Variants in ATP8A2 observed in about 807,000 individuals in gnomAD.
ATP8A2 encodes the protein ATPase phospholipid transporting 8A2, also known as phospholipid-transporting ATPase IB.
A neutral mutation model predicts 165.6 loss-of-function variants in ATP8A2; 100 were observed. That is an observed-to-expected ratio of 0.60 (90% CI 0.51 to 0.71). ATP8A2 has a LOEUF of 0.71. Ranked by LOEUF, ATP8A2 falls within the 30% of genes least tolerant of loss-of-function variation. ATP8A2 has a pLI of 0.00. For synonymous variants in ATP8A2, 543 were observed against 548.8 expected (o/e 0.99, Z 0.15); for missense variants, 1,227 against 1,479.5 (o/e 0.83, Z 2.80).
intron 21 of ATP8A2, 137 bp from the exon 22 acceptor site, chr13:25,579,671 G>A: frequency 1.2e-6 from 1 of 847,042 alleles, no homozygotes; most frequent in Non-Finnish European, 1.9e-6. Context: ...GTAGATGTGG[G>A]AGTGTTGAAT....
At chr13:25,835,009 G>A (rs2138635668) in intron 28 of ATP8A2, among the ~76,000 whole-genome samples, 1 of 151,606 alleles carries the variant, frequency 6.6e-6, no homozygotes, top group Admixed American at 6.6e-5. Context: ...TGTGTAGTAT[G>A]GTATAGGCAG....
At chr13:25,886,816 G>C (rs938561179) in intron 33 of ATP8A2, among the ~76,000 whole-genome samples, 4 of 152,184 alleles carry the variant, frequency 2.6e-5, no homozygotes, top group Admixed American at 2.6e-4. Context: ...AAAAACATGA[G>C]GTGGCTTCCA....
At chr13:25,839,757 T>A in intron 30 of ATP8A2, 133 bp downstream of exon 30, 1 of 718,968 alleles carries the variant, frequency 1.4e-6, no homozygotes, top group Non-Finnish European at 2.4e-6. Flanking sequence ...AAAACATACC[T>A]AAAGCATAAT....
At chr13:25,853,394 A>T (rs866429309) in intron 30 of ATP8A2, among the ~76,000 whole-genome samples, 290 of 11,644 alleles carry the variant, frequency 0.025, 2 homozygotes, top group African/African-American at 0.039. Context: ...CTATCTAAAA[A>T]AAATATATAT....
At chr13:25,469,388 T>A (rs963640552) in intron 2 of ATP8A2, among the ~76,000 whole-genome samples, 2 of 152,248 alleles carry the variant, frequency 1.3e-5, no homozygotes, top group African/African-American at 2.4e-5. Context: ...TTCACTCTAA[T>A]GTCACCGACA....
chr13:25,478,834 T>C (rs148170464), intron 2 of ATP8A2, among the ~76,000 whole-genome samples: 73 of 146,698 alleles, frequency 5.0e-4, no homozygotes, highest in African/African-American at 1.6e-3. Flanking sequence ...AACTTTTTCA[T>C]TGGATGTCCC....
intron 24 of ATP8A2, among the ~76,000 whole-genome samples, chr13:25,667,568 G>T (rs1343677458): frequency 1.3e-5 from 2 of 152,030 alleles, no homozygotes; most frequent in Non-Finnish European, 2.9e-5. Context: ...GATGCAGCAT[G>T]AAAGCCCTTG....
chr13:25,790,834 C>CT (rs2045151469), intron 27 of ATP8A2, among the ~76,000 whole-genome samples: 5 of 152,028 alleles, frequency 3.3e-5, no homozygotes, highest in Non-Finnish European at 7.4e-5. Context: ...CAGTGAAATA[C>CT]CATCTGACAC....
At chr13:25,588,071 G>A (rs1015006062) in intron 23 of ATP8A2, among the ~76,000 whole-genome samples, 2 of 152,164 alleles carry the variant, frequency 1.3e-5, no homozygotes, top group South Asian at 2.1e-4. Context: ...GTTTTAACAA[G>A]AGAAATAATC....
intron 24 of ATP8A2, among the ~76,000 whole-genome samples, chr13:25,609,222 A>C (rs899034879): frequency 2.6e-5 from 4 of 152,066 alleles, no homozygotes; most frequent in Non-Finnish European, 4.4e-5. Flanking sequence ...AAAAGCAAAA[A>C]GATAAAAATA....
In ATP8A2 at chr13:25,589,736, A is replaced by G. The variant is rs751937953; in HGVS notation, c.2211+37A>G. The G allele has an allele frequency of 4.8e-6, 6 of 1,247,412 alleles. No homozygotes were observed. The African/African-American group carries it at 9.0e-5, about 19-fold the overall frequency. 77.3% of individuals were successfully genotyped at this position (1,247,412 alleles called of 1,614,324 possible). A position where few individuals can be genotyped will look rare whatever the true frequency, so the allele number is the denominator to read the frequency against. On this transcript the variant is annotated intron_variant, in intron 24 of 36. Transcript: ENST00000381655. ...TTCAAAGTTGTATTTGCTTTGCTAT[A>G]ACAGTATTAAACTCTTTCTTTCTAC...
intron 25 of ATP8A2, among the ~76,000 whole-genome samples, chr13:25,700,304 A>C (rs1208291459): frequency 6.6e-6 from 1 of 152,188 alleles, no homozygotes; most frequent in African/African-American, 2.4e-5. Context: ...ACCTATTGAA[A>C]GCAATTCATT....
intron 24 of ATP8A2, among the ~76,000 whole-genome samples, chr13:25,650,205 T>C (rs2041777841): frequency 6.6e-6 from 1 of 152,202 alleles, no homozygotes. Context: ...TTTTATTCCA[T>C]GCTGTGGACC....
Position 25,641,392 on chromosome 13 carries a change from G to A in ATP8A2, c.2211+51693G>A, listed in dbSNP as rs1446566245. Among the ~76,000 whole-genome samples, 4 of 152,138 alleles carry A rather than the reference G, an allele frequency of 2.6e-5. No homozygotes were observed. In the East Asian group the frequency reaches 7.7e-4, roughly 29 times the overall value. On this transcript the variant is annotated intron_variant, in intron 24 of 36. Coordinates refer to ENST00000381655, the MANE Select transcript of ATP8A2 (RefSeq NM_016529.6). ...GCCCAAAATCTCCTTAAGCTGATAAGCAACTTCAGCAAAGTCTCAGGATAC... is the reference window on the plus strand; with the variant it reads ...GCCCAAAATCTCCTTAAGCTGATAAACAACTTCAGCAAAGTCTCAGGATAC...
chr13:25,542,050 T>G lies in ATP8A2; in HGVS notation c.779+4T>G. The G allele has an allele frequency of 6.2e-7, 1 of 1,613,532 alleles. No homozygotes were observed. Among genetic ancestry groups the G allele is most frequent in the South Asian group, 1.1e-5 (1 of 90,984 alleles). The stretch of plus-strand genomic sequence containing the variant: ...ACTTGAACTTAGATGGGAAAAGGTA[T>G]TATATGCCTTTTCTTCATTGTCTTT... On this transcript the variant is annotated splice_donor_region_variant and intron_variant, in intron 9 of 36. Transcript: ENST00000381655.
chr13:25,480,406 G>A (rs1189325728), intron 2 of ATP8A2, among the ~76,000 whole-genome samples: 2 of 151,358 alleles, frequency 1.3e-5, no homozygotes, highest in African/African-American at 2.4e-5. Context: ...AGACGGGGCG[G>A]TTGCCAGGCG....
chr13:25,559,995 T>G (rs2138108739), intron 15 of ATP8A2, among the ~76,000 whole-genome samples: 1 of 152,176 alleles, frequency 6.6e-6, no homozygotes, highest in Non-Finnish European at 1.5e-5. Flanking sequence ...GCCTGACTAA[T>G]TTTGTAATTT....
chr13:25,895,938 G>A (rs1442691144), intron 33 of ATP8A2, among the ~76,000 whole-genome samples: 1 of 151,852 alleles, frequency 6.6e-6, no homozygotes, highest in Non-Finnish European at 1.5e-5. Flanking sequence ...TTCTTTATTA[G>A]TCTTGCTAGC....
intron 33 of ATP8A2, among the ~76,000 whole-genome samples, chr13:25,945,100 G>T (rs1280332925): frequency 1.3e-5 from 2 of 152,192 alleles, no homozygotes; most frequent in African/African-American, 4.8e-5. Flanking sequence ...TAGGGACGGG[G>T]TGGGAGGAAG....
Sources: gnomAD v4.1 joint callset for allele counts (sites outside exome capture counted in the v4.1 genomes callset) on GRCh38, gnomAD v4.1.1 for gene constraint, MANE v1.5 for transcripts, NCBI Gene and HGNC (gene_info 2026-07-23, HGNC 2026-07-21) for gene names.